Variants in CACNA1C observed in about 807,000 individuals in gnomAD.
CACNA1C encodes calcium voltage-gated channel subunit alpha1 C.
A neutral mutation model predicts 229.0 loss-of-function variants in CACNA1C; 30 were observed. The ratio of observed to expected loss-of-function variants is 0.13; its 90% CI spans 0.10 to 0.18. The LOEUF (loss-of-function observed/expected upper bound fraction) is 0.18. Among genes scored for constraint, CACNA1C ranks in the 10% least tolerant of loss-of-function variants. CACNA1C has a pLI of 1.00. For synonymous variants in CACNA1C, 1,114 were observed against 1,132.5 expected, an observed-to-expected ratio of 0.98 and a Z score of 0.33; for missense variants, 1,658 against 2,845.0, an observed-to-expected ratio of 0.58 and a Z score of 9.49.
intron 3 of CACNA1C, among the ~76,000 whole-genome samples, chr12:2,293,019 A>G (rs890809300): frequency 6.6e-6 from 1 of 151,434 alleles, no homozygotes; most frequent in African/African-American, 2.4e-5. Flanking sequence ...GCTCATTTAT[A>G]CCTTCCTTGA....
intron 18 of CACNA1C, among the ~76,000 whole-genome samples, chr12:2,589,411 A>T (rs1439734263): frequency 1.3e-5 from 2 of 152,250 alleles, no homozygotes; most frequent in East Asian, 3.9e-4. Context: ...AAAGAACTAG[A>T]CATGGAATCG....
chr12:2,622,694 C>T (rs544336700), intron 29 of CACNA1C, among the ~76,000 whole-genome samples: 3 of 152,306 alleles, frequency 2.0e-5, no homozygotes, highest in African/African-American at 4.8e-5. Flanking sequence ...GAGTGTACCC[C>T]GCCCCCAGCC....
At chr12:2,325,489 C>T (rs994132380) in intron 3 of CACNA1C, among the ~76,000 whole-genome samples, 2 of 152,206 alleles carry the variant, frequency 1.3e-5, no homozygotes, top group Admixed American at 6.5e-5. Context: ...GAAGGAATAT[C>T]GGCTGTAGAG....
chr12:2,667,960 G>C (rs559520507), intron 37 of CACNA1C, among the ~76,000 whole-genome samples: 1 of 152,228 alleles, frequency 6.6e-6, no homozygotes, highest in Non-Finnish European at 1.5e-5. Flanking sequence ...CCAGAGCTCC[G>C]TGCCAGGGAA....
chr12:2,648,090 A>G (rs2094530783), intron 30 of CACNA1C, among the ~76,000 whole-genome samples: 3 of 152,176 alleles, frequency 2.0e-5, no homozygotes, highest in Admixed American at 2.0e-4. Flanking sequence ...GTGAGCTGTG[A>G]TTATGCCACT....
chr12:2,409,561 T>C (rs1446774936), intron 3 of CACNA1C, among the ~76,000 whole-genome samples: 3 of 152,256 alleles, frequency 2.0e-5, no homozygotes, highest in Non-Finnish European at 4.4e-5. Context: ...ATTTTAGGTT[T>C]CTCACCATAA....
intron 3 of CACNA1C, among the ~76,000 whole-genome samples, chr12:2,395,164 A>G (rs1387984086): frequency 6.6e-6 from 1 of 150,952 alleles, no homozygotes; most frequent in African/African-American, 2.4e-5. Flanking sequence ...GACTACAGGC[A>G]GGAAGCACTG....
rs2090949847 is a variant in CACNA1C, at chr12:2,632,494, T to G, written c.3829-1803T>G. ...TAGGGCCTCTGGGACAGCCCATTCC[T>G]TGGTTGACCTGTTGTCCAAGTACAT... On this transcript the variant is annotated intron_variant, in intron 29 of 46. Transcript: ENST00000399655. This position sits in a 1 kb window ranked among gnomAD's most constrained non-coding sequence, Gnocchi z 4.1. Among the ~76,000 whole-genome samples the G allele has an allele frequency of 6.6e-6, 1 of 152,218 alleles. No homozygotes were observed. The highest frequency in any genetic ancestry group is 1.5e-5 in the Non-Finnish European group (1 of 68,040).
chr12:2,456,843 G>A (rs1356792011), intron 4 of CACNA1C, among the ~76,000 whole-genome samples: 1 of 152,214 alleles, frequency 6.6e-6, no homozygotes, highest in East Asian at 1.9e-4. Context: ...TAGAATGCAA[G>A]TTCCATGAGG....
chr12:2,377,068 G>A (rs1161205952), intron 3 of CACNA1C, among the ~76,000 whole-genome samples: 1 of 152,184 alleles, frequency 6.6e-6, no homozygotes, highest in Non-Finnish European at 1.5e-5. Flanking sequence ...ATAATTAGGG[G>A]AGGGGCAGCT....
In CACNA1C at chr12:2,651,302, C is replaced by G. The variant is rs1430556861; in HGVS notation, c.3946-338C>G. 4 of 411,768 alleles carry G rather than the reference C, an allele frequency of 9.7e-6. No homozygotes were observed. The highest frequency in any genetic ancestry group is 8.8e-6 in the Non-Finnish European group (2 of 228,506). The allele number at this position is 411,768 out of a possible 1,614,324, so 25.5% of individuals were successfully genotyped here. A position where few individuals can be genotyped will look rare whatever the true frequency, so the allele number is the denominator to read the frequency against. On this transcript the variant is annotated intron_variant, in intron 31 of 46. Coordinates refer to ENST00000399655, the MANE Select transcript of CACNA1C (RefSeq NM_000719.7). This position sits in a 1 kb window ranked among gnomAD's most constrained non-coding sequence, Gnocchi z 5.4. Reference sequence around the variant, plus strand: ...GTTCCCAGGGCAGCTGGCTCTGGGCCTAGAAGATTCCAAAGCCTATGGTAG... The same window carrying G: ...GTTCCCAGGGCAGCTGGCTCTGGGCGTAGAAGATTCCAAAGCCTATGGTAG...
chr12:2,255,516 C>G (rs1037641304), intron 3 of CACNA1C, among the ~76,000 whole-genome samples: 5 of 152,282 alleles, frequency 3.3e-5, no homozygotes, highest in African/African-American at 4.8e-5. Context: ...GAAGGCAGTG[C>G]CAATCAAAGG....
rs1260169365 is a variant in CACNA1C, at chr12:2,053,895, C to T, written c.49+284C>T. Reference sequence around the variant, plus strand: ...AATTCCAGGCGAGGGGGGAAAAGTTCCCCAAGTGGCTGCCGCCGCCTCGCT... The same window carrying T: ...AATTCCAGGCGAGGGGGGAAAAGTTTCCCAAGTGGCTGCCGCCGCCTCGCT... On this transcript the variant is annotated intron_variant, in intron 1 of 46. Transcript: ENST00000399655. The surrounding 1 kb of genome is among the most constrained non-coding windows in gnomAD (Gnocchi z 5.8). 2.0e-5 allele frequency among the ~76,000 whole-genome samples: 3 copies of T among 148,868 alleles called. No homozygotes were observed. The highest frequency in any genetic ancestry group is 7.4e-5 in the African/African-American group (3 of 40,736).
At chr12:2,270,680 C>T (rs2084545460) in intron 3 of CACNA1C, among the ~76,000 whole-genome samples, 1 of 152,210 alleles carries the variant, frequency 6.6e-6, no homozygotes, top group Non-Finnish European at 1.5e-5. Flanking sequence ...GGTCATTGGA[C>T]TCCCTTTCTG....
At chr12:2,681,840 A>G in intron 42 of CACNA1C, 1 of 719,294 alleles carries the variant, frequency 1.4e-6, no homozygotes. Context: ...TGGGCCCAGC[A>G]TGCAAGGTCT....
At chr12:2,166,999 G>T (rs1242255393) in intron 3 of CACNA1C, among the ~76,000 whole-genome samples, 4 of 152,166 alleles carry the variant, frequency 2.6e-5, no homozygotes, top group African/African-American at 9.7e-5. Flanking sequence ...GGTAGAAAAG[G>T]GCGACCCATG....
chr12:2,665,215 A>T lies in CACNA1C; in HGVS notation c.4398+225A>T, dbSNP rs1171008419. 6.6e-6 allele frequency among the ~76,000 whole-genome samples: 1 copy of T among 152,226 alleles called. No homozygotes were observed. The highest frequency in any genetic ancestry group is 1.5e-5 in the Non-Finnish European group (1 of 68,038). ...TGCTTGTCTGTTCTTGGCTGTTGTC[A>T]TGGTGGCATTGTCCCAGAGGACAAC... is the stretch of plus-strand genomic sequence containing the variant. On this transcript the variant is annotated intron_variant, in intron 35 of 46. Coordinates refer to ENST00000399655, the MANE Select transcript of CACNA1C (RefSeq NM_000719.7). This position sits in a 1 kb window ranked among gnomAD's most constrained non-coding sequence, Gnocchi z 5.9.
intron 3 of CACNA1C, among the ~76,000 whole-genome samples, chr12:2,386,095 G>T (rs1294844001): frequency 6.6e-6 from 1 of 152,156 alleles, no homozygotes; most frequent in African/African-American, 2.4e-5. Context: ...CTGCTGGGTG[G>T]AAATACTATA....
intron 9 of CACNA1C, among the ~76,000 whole-genome samples, chr12:2,531,122 T>A (rs2099840005): frequency 6.6e-6 from 1 of 152,258 alleles, no homozygotes; most frequent in Admixed American, 6.5e-5. Context: ...GCCCATATTA[T>A]CTTTGCCCTC....
Sources: allele counts gnomAD v4.1 joint callset (sites outside exome capture counted in the v4.1 genomes callset), GRCh38; gene constraint gnomAD v4.1.1; non-coding constraint Gnocchi (gnomAD v3.1); transcripts MANE v1.5; gene names NCBI Gene and HGNC (gene_info 2026-07-23, HGNC 2026-07-21).